The following RGS7 variants were observed in gnomAD, a reference collection of about 807,000 sequenced individuals.
The protein encoded by RGS7 is regulator of G protein signaling 7.
RGS7 carries 27 observed loss-of-function variants against 81.1 expected under a neutral mutation model. The ratio of observed to expected loss-of-function variants is 0.33; its 90% CI spans 0.25 to 0.46. The LOEUF (loss-of-function observed/expected upper bound fraction) is 0.46. Among genes scored for constraint, RGS7 ranks in the 20% least tolerant of loss-of-function variants. The pLI, the probability that RGS7 is intolerant of heterozygous loss-of-function variation, is 1.00. For synonymous variants in RGS7, 208 were observed against 207.7 expected, an observed-to-expected ratio of 1.00 and a Z score of -0.01; for missense variants, 396 against 607.4, an observed-to-expected ratio of 0.65 and a Z score of 3.66.
intron 2 of RGS7, among the ~76,000 whole-genome samples, chr1:241,260,708 T>C (rs2077285537): frequency 6.6e-6 from 1 of 152,168 alleles, no homozygotes. Context: ...AAATTGTGAA[T>C]GGCAAGAGCA....
At chr1:240,973,599 T>C (rs1188615435) in intron 4 of RGS7, among the ~76,000 whole-genome samples, 1 of 151,948 alleles carries the variant, frequency 6.6e-6, no homozygotes, top group Admixed American at 6.6e-5. Context: ...AGAGACATTC[T>C]TTTTTTTGGA....
chr1:241,249,700 A>G (rs1051515678), intron 2 of RGS7, among the ~76,000 whole-genome samples: 1 of 152,144 alleles, frequency 6.6e-6, no homozygotes, highest in African/African-American at 2.4e-5. Flanking sequence ...GAACATATGC[A>G]TTCATTATGA....
intron 6 of RGS7, among the ~76,000 whole-genome samples, chr1:240,903,376 A>T (rs1423991974): frequency 6.6e-6 from 1 of 152,156 alleles, no homozygotes; most frequent in Non-Finnish European, 1.5e-5. Context: ...TGATATTTAA[A>T]TTTTTTAATT....
chr1:240,924,907 AAAAT>A, intron 6 of RGS7, among the ~76,000 whole-genome samples: 1 of 152,308 alleles, frequency 6.6e-6, no homozygotes. Context: ...GTATTTGAAA[AAAAT>A]AAAAATTAAT....
chr1:240,830,188 T>C (rs950587402), intron 9 of RGS7, among the ~76,000 whole-genome samples: 1 of 152,216 alleles, frequency 6.6e-6, no homozygotes, highest in African/African-American at 2.4e-5. Flanking sequence ...CCAAGCCTCT[T>C]ATGTGGCAGT....
intron 11 of RGS7, among the ~76,000 whole-genome samples, chr1:240,815,548 C>T (rs990472373): frequency 6.6e-6 from 1 of 152,130 alleles, no homozygotes; most frequent in African/African-American, 2.4e-5. Flanking sequence ...CAAATGCTCA[C>T]ATGGAATAAT....
intron 2 of RGS7, among the ~76,000 whole-genome samples, chr1:241,100,915 C>A (rs2064689881): frequency 6.6e-6 from 1 of 152,146 alleles, no homozygotes; most frequent in Non-Finnish European, 1.5e-5. Flanking sequence ...TAATTTACTC[C>A]AGGGGAGCTG....
At chr1:241,173,650 G>T (rs1238612601) in intron 2 of RGS7, among the ~76,000 whole-genome samples, 1 of 152,106 alleles carries the variant, frequency 6.6e-6, no homozygotes, top group Admixed American at 6.5e-5. Flanking sequence ...GCATGGTGCT[G>T]TGTGTCTGTA....
intron 6 of RGS7, among the ~76,000 whole-genome samples, chr1:240,879,884 AATT>A (rs1666084969): frequency 6.6e-6 from 1 of 152,164 alleles, no homozygotes; most frequent in Non-Finnish European, 1.5e-5. Flanking sequence ...TTTTTATCAC[AATT>A]ATTTAGATTC....
chr1:241,077,796 A>C (rs1026817210), intron 3 of RGS7, among the ~76,000 whole-genome samples: 2 of 152,196 alleles, frequency 1.3e-5, no homozygotes, highest in African/African-American at 4.8e-5. Context: ...TGAGTCTCCA[A>C]AAAAAGAAAA....
At chr1:240,970,298 C>T (rs529419184) in intron 4 of RGS7, among the ~76,000 whole-genome samples, 1 of 152,188 alleles carries the variant, frequency 6.6e-6, no homozygotes, top group Admixed American at 6.5e-5. Context: ...ATACCCCCTA[C>T]TTTGGCAATG....
intron 2 of RGS7, among the ~76,000 whole-genome samples, chr1:241,342,065 G>T (rs1420063317): frequency 1.3e-5 from 2 of 151,582 alleles, no homozygotes. Context: ...GTAAAGATGG[G>T]GTTTCACCAT....
In RGS7 at chr1:240,947,919, C is replaced by T. The variant is rs1318196758; in HGVS notation, c.227-11213G>A. ...TATCCTCCTCTAGTTCACAGACCTC[C>T]TTGTTGCTCCTCAAACATACCAAGC... On this transcript the variant is annotated intron_variant, in intron 4 of 18. Transcript: ENST00000440928. Among the ~76,000 whole-genome samples the T allele has an allele frequency of 2.0e-5, 3 of 152,164 alleles. No individual in the cohort carries two copies. In the East Asian group the frequency reaches 5.8e-4, roughly 29 times the overall value.
chr1:240,800,565 A>G (rs915810806), intron 18 of RGS7, 76 bp downstream of exon 18: 19 of 819,676 alleles, frequency 2.3e-5, no homozygotes, highest in Middle Eastern at 2.4e-4. Flanking sequence ...ACACACACAC[A>G]CAGCAGCATG....
At chr1:241,060,527 G>T (rs1338480009) in intron 3 of RGS7, among the ~76,000 whole-genome samples, 2 of 152,166 alleles carry the variant, frequency 1.3e-5, no homozygotes, top group Admixed American at 6.5e-5. Flanking sequence ...CTCAAACCAA[G>T]AAACTGAGAA....
chr1:241,035,360 T>TAAA (rs34813230), intron 3 of RGS7, among the ~76,000 whole-genome samples: 1 of 150,394 alleles, frequency 6.6e-6, no homozygotes, highest in Non-Finnish European at 1.5e-5. Context: ...CATAAGGAAG[T>TAAA]AAAAAAAAAA....
intron 5 of RGS7, among the ~76,000 whole-genome samples, chr1:240,932,876 C>CTTTTTTTTTTTTTTT (rs36194238): frequency 3.5e-5 from 2 of 57,294 alleles, no homozygotes; most frequent in Non-Finnish European, 6.2e-5. Context: ...TGGTATCTTT[C>CTTTTTTTTTTTTTTT]TTTTTTTTTT....
chr1:241,253,930 T>C (rs969116958), intron 2 of RGS7, among the ~76,000 whole-genome samples: 1 of 151,946 alleles, frequency 6.6e-6, no homozygotes, highest in African/African-American at 2.4e-5. Context: ...GGTGAAGAAA[T>C]TGAGGAGGAG....
At chr1:241,162,603 A>T (rs2069817617) in intron 2 of RGS7, among the ~76,000 whole-genome samples, 1 of 152,070 alleles carries the variant, frequency 6.6e-6, no homozygotes, top group Non-Finnish European at 1.5e-5. Context: ...AGCTTTTTAA[A>T]CAACTCTGAC....
Sources: gnomAD v4.1 joint callset for allele counts (sites outside exome capture counted in the v4.1 genomes callset) on GRCh38, gnomAD v4.1.1 for gene constraint, MANE v1.5 for transcripts, NCBI Gene and HGNC (gene_info 2026-07-23, HGNC 2026-07-21) for gene names.